Variants in ITGA1 observed in about 807,000 individuals in gnomAD.
The protein encoded by ITGA1 is integrin subunit alpha 1, also known as integrin alpha-1.
ITGA1 carries 85 observed loss-of-function variants against 145.9 expected under a neutral mutation model. That is an observed-to-expected ratio of 0.58 (90% CI 0.49 to 0.70). The LOEUF (loss-of-function observed/expected upper bound fraction) is 0.70. Ranked by LOEUF, ITGA1 falls within the 30% of genes least tolerant of loss-of-function variation. The probability of loss-of-function intolerance (pLI) is 0.00; values close to 1 mark genes in which losing one functional copy is unlikely to be tolerated. For missense variants in ITGA1, 1,351 were observed against 1,418.7 expected (o/e 0.95, Z 0.77); for synonymous variants, 520 against 495.3 (o/e 1.05, Z -0.66).
At chr5:52,854,384 C>T (rs756489495) in intron 2 of ITGA1, among the ~76,000 whole-genome samples, 2 of 152,132 alleles carry the variant, frequency 1.3e-5, no homozygotes, top group South Asian at 4.1e-4. Context: ...CTTCTAACGC[C>T]TTTTGAAGTT....
intron 1 of ITGA1, among the ~76,000 whole-genome samples, chr5:52,792,084 G>A (rs1463641207): frequency 6.6e-6 from 1 of 152,178 alleles, no homozygotes; most frequent in Non-Finnish European, 1.5e-5. Context: ...TAGGTGTACA[G>A]CATTAAGTGT....
intron 18 of ITGA1, among the ~76,000 whole-genome samples, chr5:52,923,787 T>A (rs1185565747): frequency 1.3e-5 from 2 of 152,184 alleles, no homozygotes; most frequent in African/African-American, 4.8e-5. Context: ...GATTGCAGTG[T>A]ATGGTTTAGG....
At chr5:52,859,699 TTC>T (rs1422626269) in intron 2 of ITGA1, among the ~76,000 whole-genome samples, 1 of 152,216 alleles carries the variant, frequency 6.6e-6, no homozygotes, top group East Asian at 1.9e-4. Flanking sequence ...CCTGCAGACA[TTC>T]TTTCTCCATG....
At chr5:52,864,378 T>A (rs1350221937) in intron 3 of ITGA1, among the ~76,000 whole-genome samples, 13 of 152,204 alleles carry the variant, frequency 8.5e-5, no homozygotes. Context: ...TTTCCCCTTT[T>A]CTTGCCAAAA....
intron 1 of ITGA1, among the ~76,000 whole-genome samples, chr5:52,795,801 G>A (rs564309456): frequency 1.3e-5 from 2 of 151,934 alleles, no homozygotes; most frequent in South Asian, 4.1e-4. Flanking sequence ...CATAAGGATG[G>A]TCAAATGAGA....
Position 52,905,765 on chromosome 5 carries a change from T to C in ITGA1, c.1312T>C (p.Tyr438His), listed in dbSNP as rs1213037432. ...KNEPLASYLG[Y>H]TVNSATASSG... ...ACCTGGAATCTTTCTTTTGTTAGGT[T>C]ACACTGTAAACTCTGCTACTGCTTC... Residue 438 changes from tyrosine to histidine, a missense_variant and splice_region_variant, in exon 12 of 29, where the codon TAC becomes CAC. Tyr to His is a moderately conservative substitution (Grantham distance 83). Transcript: ENST00000282588. The C allele has an allele frequency of 6.2e-7, 1 of 1,612,586 alleles. No individual in the cohort carries two copies. The highest frequency in any genetic ancestry group is 8.5e-7 in the Non-Finnish European group (1 of 1,179,230).
chr5:52,887,794 T>C, intron 7 of ITGA1, 21 bp from the exon 8 acceptor site: 1 of 1,602,696 alleles, frequency 6.2e-7, no homozygotes, highest in Non-Finnish European at 8.5e-7. Flanking sequence ...TCAACCTCTC[T>C]TTTGTTTGTG....
At chr5:52,795,222 A>T (rs1748318161) in intron 1 of ITGA1, among the ~76,000 whole-genome samples, 1 of 151,942 alleles carries the variant, frequency 6.6e-6, no homozygotes, top group African/African-American at 2.4e-5. Context: ...AAAGACAAAT[A>T]AAAGGTAGTA....
At chr5:52,803,274 T>C (rs1748524481) in intron 1 of ITGA1, 1 of 152,190 alleles carries the variant, frequency 6.6e-6, no homozygotes, top group African/African-American at 2.4e-5. Context: ...TTTTTGTACA[T>C]CTATCTCCTA....
rs1751326055 is a variant in ITGA1 at position 52,957,932 on chromosome 5, CTT to C, written c.*5485_*5486del. Reference sequence around the variant, plus strand: ...ATAGACTGAGATCCAATGTTTAAATCTTTTTATTTCAGTTTGATCTGTGCCTT... The same window carrying C: ...ATAGACTGAGATCCAATGTTTAAATCTTTATTTCAGTTTGATCTGTGCCTT... On this transcript the variant is annotated 3_prime_UTR_variant, in exon 29 of 29. Coordinates refer to ENST00000282588, the MANE Select transcript of ITGA1 (RefSeq NM_181501.2). 1 of 152,156 alleles carries C rather than the reference CTT, an allele frequency of 6.6e-6. No homozygotes were observed. The highest frequency in any genetic ancestry group is 2.1e-4 in the South Asian group (1 of 4,830). The allele number at this position is 152,156 out of a possible 1,614,324, so 9.4% of individuals were successfully genotyped here. A position where few individuals can be genotyped will look rare whatever the true frequency, so the allele number is the denominator to read the frequency against.
At chr5:52,807,636 T>G (rs1233705318) in intron 1 of ITGA1, among the ~76,000 whole-genome samples, 1 of 152,206 alleles carries the variant, frequency 6.6e-6, no homozygotes, top group East Asian at 1.9e-4. Flanking sequence ...ATTTTTAATG[T>G]TTTTATTCTA....
At chr5:52,800,659 C>T in intron 1 of ITGA1, 1 of 1,614,144 alleles carries the variant, frequency 6.2e-7, no homozygotes, top group Non-Finnish European at 8.5e-7. Context: ...GACCAACATC[C>T]AAGAGAATGA....
intron 6 of ITGA1, among the ~76,000 whole-genome samples, chr5:52,874,151 G>A (rs1000232606): frequency 5.9e-5 from 9 of 152,192 alleles, no homozygotes; most frequent in African/African-American, 9.6e-5. Context: ...AGCTTCTGGT[G>A]AGGGCCTTGC....
chr5:52,836,513 T>C (rs185439084), intron 1 of ITGA1, among the ~76,000 whole-genome samples: 3 of 152,278 alleles, frequency 2.0e-5, no homozygotes, highest in East Asian at 3.9e-4. Context: ...ATCTCAGTCA[T>C]GTACACCAGA....
intron 8 of ITGA1, among the ~76,000 whole-genome samples, chr5:52,891,555 T>TAAAAAAAAAA (rs56185635): frequency 5.9e-5 from 7 of 118,880 alleles, no homozygotes; most frequent in African/African-American, 1.0e-4. Context: ...TCATGAACAC[T>TAAAAAAAAAA]AAAAAAAAAA....
At chr5:52,910,759 T>G (rs1253533438) in intron 14 of ITGA1, among the ~76,000 whole-genome samples, 1 of 145,820 alleles carries the variant, frequency 6.9e-6, no homozygotes, top group Non-Finnish European at 1.5e-5. Flanking sequence ...TCCTTATAGA[T>G]TAATTACTAT....
chr5:52,797,415 C>T (rs1748365859), intron 1 of ITGA1, among the ~76,000 whole-genome samples: 1 of 150,774 alleles, frequency 6.6e-6, no homozygotes, highest in Non-Finnish European at 1.5e-5. Flanking sequence ...TAAAGTAGAA[C>T]ATTAGATCTT....
At chr5:52,827,843 T>C (rs1295790068) in intron 1 of ITGA1, among the ~76,000 whole-genome samples, 1 of 152,236 alleles carries the variant, frequency 6.6e-6, no homozygotes. Flanking sequence ...GAAATAATGC[T>C]TTGTGTACTT....
intron 23 of ITGA1, among the ~76,000 whole-genome samples, 178 bp from the exon 24 acceptor site, chr5:52,937,223 T>A (rs1305264240): frequency 6.6e-6 from 1 of 152,178 alleles, no homozygotes; most frequent in Admixed American, 6.5e-5. Context: ...AGTGTCCATA[T>A]TTTCTGCTGG....
Sources: gnomAD v4.1 joint callset for allele counts (sites outside exome capture counted in the v4.1 genomes callset) on GRCh38, gnomAD v4.1.1 for gene constraint, MANE v1.5 for transcripts, NCBI Gene and HGNC (gene_info 2026-07-23, HGNC 2026-07-21) for gene names.